Variants in RGS3 observed in about 807,000 individuals in gnomAD.
The protein encoded by RGS3 is regulator of G-protein signalling 3.
RGS3 carries 80 observed loss-of-function variants against 132.6 expected under a neutral mutation model. The observed-to-expected ratio is 0.60, with a 90% CI of 0.50 to 0.73. The LOEUF (loss-of-function observed/expected upper bound fraction) is 0.73. Ranked by LOEUF, RGS3 falls within the 30% of genes least tolerant of loss-of-function variation. The probability of loss-of-function intolerance (pLI) is 0.00; values close to 1 mark genes in which losing one functional copy is unlikely to be tolerated. For missense variants in RGS3, 1,382 were observed against 1,530.8 expected, an observed-to-expected ratio of 0.90 and a Z score of 1.62; for synonymous variants, 598 against 620.6, an observed-to-expected ratio of 0.96 and a Z score of 0.54.
rs926106929 is a variant in RGS3 at position 113,506,324 on chromosome 9, C to T, written c.980-64C>T. On this transcript the variant is annotated intron_variant, in intron 11 of 24. Coordinates refer to ENST00000350696, the Ensembl canonical transcript of RGS3. This position sits in a 1 kb window ranked among gnomAD's most constrained non-coding sequence, Gnocchi z 4.7. ...GAGGTCACCATGGCAGCAAAGGACT[C>T]CAGATCCTTTGAAGGGGTCTTAGGC... 1 of 1,030,778 alleles carries T rather than the reference C, an allele frequency of 9.7e-7. No homozygotes were observed. Among genetic ancestry groups the T allele is most frequent in the Non-Finnish European group, 1.5e-6 (1 of 675,008 alleles). 63.9% of individuals were successfully genotyped at this position (1,030,778 alleles called of 1,614,324 possible). A position where few individuals can be genotyped will look rare whatever the true frequency, so the allele number is the denominator to read the frequency against.
intron 3 of RGS3, among the ~76,000 whole-genome samples, chr9:113,464,186 G>A (rs1829554947): frequency 6.6e-6 from 1 of 152,248 alleles, no homozygotes; most frequent in Non-Finnish European, 1.5e-5. Context: ...TCACCACGGA[G>A]TTTCTCATTA....
chr9:113,452,066 A>G (rs1426960599), intron 1 of RGS3, among the ~76,000 whole-genome samples: 1 of 152,148 alleles, frequency 6.6e-6, no homozygotes, highest in Non-Finnish European at 1.5e-5. Flanking sequence ...TAGTGTGATC[A>G]TAGCTCACTG....
At chr9:113,594,110 G>T in intron 21 of RGS3, 1 of 1,613,022 alleles carries the variant, frequency 6.2e-7, no homozygotes, top group East Asian at 2.2e-5. Context: ...TCCCAGCCCC[G>T]GCTTGTGCCT....
intron 19 of RGS3, among the ~76,000 whole-genome samples, chr9:113,563,550 C>G (rs1833876479): frequency 6.6e-6 from 1 of 152,202 alleles, no homozygotes; most frequent in African/African-American, 2.4e-5. Flanking sequence ...TTGGCCATCT[C>G]TTGAGACTCA....
intron 3 of RGS3, among the ~76,000 whole-genome samples, chr9:113,466,563 AG>A (rs781269667): frequency 6.6e-6 from 1 of 152,336 alleles, no homozygotes; most frequent in Non-Finnish European, 1.5e-5. Context: ...GGAAGGGAGT[AG>A]GCAAGCTGAG....
chr9:113,587,212 C>A (rs961193483), intron 20 of RGS3, among the ~76,000 whole-genome samples: 1 of 149,738 alleles, frequency 6.7e-6, no homozygotes. Flanking sequence ...GACTCTGAGA[C>A]CTCATGCTGA....
At position 113,507,321 on chromosome 9, in the gene RGS3, C is replaced by A; in HGVS notation, c.1120C>A (p.Arg374Ser). The A allele has an allele frequency of 6.2e-7, 1 of 1,613,520 alleles. No individual in the cohort carries two copies. Among genetic ancestry groups the A allele is most frequent in the Non-Finnish European group, 8.5e-7 (1 of 1,179,860 alleles). The change falls in exon 13 of 25, where the codon CGC becomes AGC. Residue 374 changes from arginine to serine, a missense_variant. Physicochemically the swap from Arg to Ser is moderately radical, Grantham distance 110. Transcript: ENST00000350696. The surrounding 1 kb of genome is among the most constrained non-coding windows in gnomAD (Gnocchi z 5.0). ...CAGTGAGATCATCCTACTCGTGTGG[C>A]GCATGGTCCCCCAGGTCAAGCCAGG...
At chr9:113,505,568 C>T in intron 11 of RGS3, 45 bp downstream of exon 9, 2 of 1,465,590 alleles carry the variant, frequency 1.4e-6, no homozygotes, top group South Asian at 1.1e-5. Flanking sequence ...GCCCACCACA[C>T]ATGTGGGCTT....
intron 6 of RGS3, 37 bp downstream of exon 4, chr9:113,484,269 G>A: frequency 8.7e-7 from 1 of 1,148,402 alleles, no homozygotes; most frequent in Non-Finnish European, 1.3e-6. Flanking sequence ...AGAAAGGAGA[G>A]GGAAGGAGTG....
chr9:113,576,699 A>T (rs569042470), intron 19 of RGS3, among the ~76,000 whole-genome samples: 1 of 152,188 alleles, frequency 6.6e-6, no homozygotes, highest in Non-Finnish European at 1.5e-5. Context: ...GGCTACAGGG[A>T]GACAGAGCCC....
At chr9:113,541,009 A>G (rs1224548291) in intron 19 of RGS3, among the ~76,000 whole-genome samples, 4 of 152,226 alleles carry the variant, frequency 2.6e-5, no homozygotes, top group African/African-American at 7.2e-5. Flanking sequence ...GGCCTTGTTC[A>G]TTGAAGCTGC....
Position 113,537,052 on chromosome 9 carries a change from G to T in RGS3, c.2037+134G>T, listed in dbSNP as rs913868193. ...GCTCTGGGCAATGAGCTCTTGGCAA[G>T]CGGGGACCTGTGCCCGAATGTCTCT... On this transcript the variant is annotated intron_variant, in intron 19 of 24. Coordinates refer to ENST00000350696, the Ensembl canonical transcript of RGS3. The surrounding 1 kb of genome is among the most constrained non-coding windows in gnomAD (Gnocchi z 4.3). 43 of 767,880 alleles carry T rather than the reference G, an allele frequency of 5.6e-5. No homozygotes were observed. The highest frequency in any genetic ancestry group is 8.5e-5 in the Non-Finnish European group (41 of 480,696). 47.6% of individuals were successfully genotyped at this position (767,880 alleles called of 1,614,324 possible).
intron 14 of RGS3, among the ~76,000 whole-genome samples, chr9:113,513,191 G>A (rs1040022322): frequency 1.2e-4 from 18 of 152,154 alleles, no homozygotes; most frequent in South Asian, 4.1e-4. Flanking sequence ...GGGAAACTCC[G>A]TCTCAAACAA....
At chr9:113,493,808 C>T (rs1830598588) in intron 7 of RGS3, among the ~76,000 whole-genome samples, 3 of 152,142 alleles carry the variant, frequency 2.0e-5, no homozygotes, top group South Asian at 4.1e-4. Context: ...ATACCTCAGA[C>T]AGGCTGTTCA....
At chr9:113,445,149 G>A (rs1031105048) in intron 1 of RGS3, among the ~76,000 whole-genome samples, 1 of 151,540 alleles carries the variant, frequency 6.6e-6, no homozygotes, top group African/African-American at 2.4e-5. Context: ...CCCTGCTAGA[G>A]ACAGGCCACT....
chr9:113,505,466 G>A (rs779798026), exon 11 of RGS3: 7 of 1,614,034 alleles, frequency 4.3e-6, no homozygotes, highest in African/African-American at 2.7e-5. Flanking sequence ...GGGAAAGGAC[G>A]GCTTTGGCTT....
chr9:113,595,420 C>T, intron 23 of RGS3, 179 bp from the exon 22 acceptor site: 3 of 624,732 alleles, frequency 4.8e-6, no homozygotes, highest in Middle Eastern at 4.4e-4. Flanking sequence ...CCACTGAGAC[C>T]CTGAAAGAGG....
intron 19 of RGS3, among the ~76,000 whole-genome samples, chr9:113,572,947 C>T (rs1241989736): frequency 2.6e-5 from 4 of 152,194 alleles, no homozygotes; most frequent in East Asian, 1.9e-4. Context: ...TGCCCTGTCC[C>T]GGAATTGGAT....
exon 20 of RGS3, chr9:113,584,201 C>T (rs766372618): frequency 7.4e-6 from 12 of 1,614,118 alleles, no homozygotes; most frequent in Non-Finnish European, 9.3e-6. Context: ...GGTGGCCTCT[C>T]ACTGCGTGTG....
Sources: gnomAD v4.1 joint callset for allele counts (sites outside exome capture counted in the v4.1 genomes callset) on GRCh38, gnomAD v4.1.1 for gene constraint, Gnocchi (gnomAD v3.1) non-coding constraint, MANE v1.5 for transcripts, NCBI Gene and HGNC (gene_info 2026-07-23, HGNC 2026-07-21) for gene names.